CEP76: variants seen among roughly 807,000 people sequenced by gnomAD.
CEP76 encodes centrosomal protein of 76 kDa.
A neutral mutation model predicts 83.3 loss-of-function variants in CEP76; 55 were observed. That is an observed-to-expected ratio of 0.66 (90% CI 0.53 to 0.83). The LOEUF is 0.83. Ranked by LOEUF, CEP76 falls within the 40% of genes least tolerant of loss-of-function variation. The pLI, the probability that CEP76 is intolerant of heterozygous loss-of-function variation, is 0.00. For missense variants in CEP76, 694 were observed against 799.5 expected (o/e 0.87, Z 1.59); for synonymous variants, 270 against 274.5 (o/e 0.98, Z 0.16).
chr18:12,672,132 T>C (rs2038964344), downstream of CEP76, among the ~76,000 whole-genome samples: 1 of 143,762 alleles, frequency 7.0e-6, no homozygotes, highest in Non-Finnish European at 1.5e-5. Flanking sequence ...TTTTTTTTTC[T>C]GAGATGCAGT....
Position 12,673,285 on chromosome 18 carries a change from A to C in CEP76, c.*80T>G, listed in dbSNP as rs1226844390. ...AGCCAGATTGTGATTTTAAAATAAC[A>C]AACCTCTAAATAGCTAAGTAATGTA... On this transcript the variant is annotated 3_prime_UTR_variant, in exon 12 of 12. Coordinates refer to ENST00000262127, the MANE Select transcript of CEP76 (RefSeq NM_024899.4). The C allele has an allele frequency of 6.7e-7, 1 of 1,494,180 alleles. No individual in the cohort carries two copies. Among genetic ancestry groups the C allele is most frequent in the East Asian group, 2.6e-5 (1 of 38,004 alleles). 92.6% of individuals were successfully genotyped at this position (1,494,180 alleles called of 1,614,324 possible). A position where few individuals can be genotyped will look rare whatever the true frequency, so the allele number is the denominator to read the frequency against.
chr18:12,689,793 C>G (rs1598644990), intron 7 of CEP76, among the ~76,000 whole-genome samples: 4 of 151,658 alleles, frequency 2.6e-5, no homozygotes, highest in East Asian at 1.9e-4. Context: ...TATTTTTTGT[C>G]GTTGTTATTG....
At position 12,697,279 on chromosome 18, in the gene CEP76, G is replaced by A. The variant is rs762993284; in HGVS notation, c.650C>T (p.Ser217Leu). 52 of 1,613,806 alleles carry A rather than the reference G, an allele frequency of 3.2e-5. No homozygotes were observed. The highest frequency in any genetic ancestry group is 6.7e-5 in the African/African-American group (5 of 74,916). ...CACTCCATTTTCTGAGCCCAAAACC[G>A]ATCGCCATTCCAGAAAATATGATGC... Reference protein sequence around the residue: ...LVASYFLEWRSVLGSENGVTS... With the variant: ...LVASYFLEWRLVLGSENGVTS... Residue 217 changes from serine to leucine, a missense_variant, in exon 5 of 12, where the codon TCG becomes TTG. By Grantham distance (145) the Ser-to-Leu change is moderately radical (BLOSUM62 -2). Transcript: ENST00000262127.
intron 7 of CEP76, among the ~76,000 whole-genome samples, chr18:12,689,181 A>T (rs927031171): frequency 1.3e-5 from 2 of 152,172 alleles, no homozygotes; most frequent in African/African-American, 4.8e-5. Context: ...TTTGGCCTGG[A>T]TATGTATATT....
intron 5 of CEP76, among the ~76,000 whole-genome samples, chr18:12,696,701 T>C (rs1162645412): frequency 6.6e-6 from 1 of 152,106 alleles, no homozygotes; most frequent in East Asian, 1.9e-4. Flanking sequence ...AAGGAGACTA[T>C]GATAAATAAG....
chr18:12,688,228 CAAA>C (rs11337170), intron 7 of CEP76, among the ~76,000 whole-genome samples: 3 of 94,024 alleles, frequency 3.2e-5, no homozygotes, highest in African/African-American at 4.1e-5. Context: ...GACTCCATCT[CAAA>C]AAAAAAAAAA....
At chr18:12,686,618 C>A (rs569238171) in intron 7 of CEP76, 168 bp from the exon 8 acceptor site, 14 of 496,756 alleles carry the variant, frequency 2.8e-5, no homozygotes, top group Non-Finnish European at 5.0e-5. Flanking sequence ...TTCCCTTAAT[C>A]CTCATCTCCG....
At chr18:12,693,637 G>T (rs889534550) in intron 6 of CEP76, among the ~76,000 whole-genome samples, 2 of 152,046 alleles carry the variant, frequency 1.3e-5, no homozygotes, top group Non-Finnish European at 2.9e-5. Flanking sequence ...ACAAAAATTA[G>T]CTGGGCGTGG....
At chr18:12,667,252 T>C (rs967235636) in intron 12 of CEP76, among the ~76,000 whole-genome samples, 1 of 152,006 alleles carries the variant, frequency 6.6e-6, no homozygotes, top group Non-Finnish European at 1.5e-5. Flanking sequence ...CTTGAGGCCA[T>C]GAGTTTAAGA....
chr18:12,700,085 G>A, intron 2 of CEP76, 180 bp from the exon 3 acceptor site: 1 of 422,316 alleles, frequency 2.4e-6, no homozygotes, highest in Non-Finnish European at 4.2e-6. Flanking sequence ...AAAAGATGAT[G>A]TAAACTGATC....
intron 1 of CEP76, 115 bp from the exon 2 acceptor site, chr18:12,701,228 T>C: frequency 1.4e-6 from 1 of 725,820 alleles, no homozygotes; most frequent in Admixed American, 2.6e-5. Flanking sequence ...CACAATTGAA[T>C]GGGAACAAAG....
intron 4 of CEP76, among the ~76,000 whole-genome samples, chr18:12,698,437 G>A (rs1176767371): frequency 1.3e-5 from 2 of 152,130 alleles, no homozygotes; most frequent in East Asian, 1.9e-4. Context: ...CCAAAGTGCT[G>A]GGATTACAGG....
chr18:12,698,038 C>T (rs1316791650), intron 4 of CEP76, among the ~76,000 whole-genome samples: 1 of 151,296 alleles, frequency 6.6e-6, no homozygotes, highest in African/African-American at 2.4e-5. Flanking sequence ...AAAACAATTA[C>T]AGGAATCAAG....
At chr18:12,668,796 T>G (rs1019457357), downstream of CEP76, among the ~76,000 whole-genome samples, 1 of 137,360 alleles carries the variant, frequency 7.3e-6, no homozygotes, top group Non-Finnish European at 1.5e-5. Flanking sequence ...TGGAGTGTAG[T>G]GGAGAGCAAT....
intron 8 of CEP76, 55 bp from the exon 9 acceptor site, chr18:12,680,883 ATACT>A: frequency 7.1e-7 from 1 of 1,403,476 alleles, no homozygotes; most frequent in East Asian, 2.4e-5. Context: ...TCCTCATTAC[ATACT>A]TAAATACTAA....
intron 4 of CEP76, 106 bp downstream of exon 4, chr18:12,698,873 C>A: frequency 1.3e-6 from 1 of 747,220 alleles, no homozygotes; most frequent in Non-Finnish European, 2.2e-6. Context: ...AATAGAGATT[C>A]CTCCATTATA....
chr18:12,673,288 C>A lies in CEP76; in HGVS notation c.*77G>T. The A allele has an allele frequency of 6.6e-7, 1 of 1,507,320 alleles. No individual in the cohort carries two copies. Among genetic ancestry groups the A allele is most frequent in the South Asian group, 1.3e-5 (1 of 74,908 alleles). The allele number at this position is 1,507,320 out of a possible 1,614,324, so 93.4% of individuals were successfully genotyped here. A position where few individuals can be genotyped will look rare whatever the true frequency, so the allele number is the denominator to read the frequency against. On this transcript the variant is annotated 3_prime_UTR_variant, in exon 12 of 12. Coordinates refer to ENST00000262127, the MANE Select transcript of CEP76 (RefSeq NM_024899.4). Reference sequence around the variant, plus strand: ...CAGATTGTGATTTTAAAATAACAAACCTCTAAATAGCTAAGTAATGTACAA... The same window carrying A: ...CAGATTGTGATTTTAAAATAACAAAACTCTAAATAGCTAAGTAATGTACAA...
chr18:12,670,129 C>T (rs186452891), downstream of CEP76, among the ~76,000 whole-genome samples: 5 of 151,998 alleles, frequency 3.3e-5, no homozygotes, highest in Admixed American at 1.3e-4. Context: ...CAGGAGTTCG[C>T]GACCAGCCTG....
Position 12,702,632 on chromosome 18 carries a change from G to A in CEP76, c.-84C>T, listed in dbSNP as rs1015507977. ...CCCCGGCCGGGCCAGGGAGCGTTAG[G>A]AGCGACTGGAGCACAAAGCGCCGCA... is the stretch of plus-strand genomic sequence containing the variant. On this transcript the variant is annotated 5_prime_UTR_variant, in exon 1 of 12. Transcript: ENST00000262127. 7 of 1,438,068 alleles carry A rather than the reference G, an allele frequency of 4.9e-6. No homozygotes were observed. The highest frequency in any genetic ancestry group is 2.5e-5 in the South Asian group (2 of 79,562). The allele number at this position is 1,438,068 out of a possible 1,614,324, so 89.1% of individuals were successfully genotyped here.
Sources: allele counts gnomAD v4.1 joint callset (sites outside exome capture counted in the v4.1 genomes callset), GRCh38; gene constraint gnomAD v4.1.1; transcripts MANE v1.5; gene names NCBI Gene and HGNC (gene_info 2026-07-23, HGNC 2026-07-21).